LRRC1: variants seen among roughly 807,000 people sequenced by gnomAD.
The protein encoded by LRRC1 is leucine-rich repeat-containing protein 1.
A neutral mutation model predicts 69.9 loss-of-function variants in LRRC1; 28 were observed. The ratio of observed to expected loss-of-function variants is 0.40; its 90% CI spans 0.30 to 0.55. The LOEUF is 0.55. LRRC1 is among the 20% of genes least tolerant of loss of function. LRRC1 has a pLI of 0.47. For synonymous variants in LRRC1, 236 were observed against 240.2 expected (o/e 0.98, Z 0.16); for missense variants, 498 against 609.0 (o/e 0.82, Z 1.92).
intron 13 of LRRC1, among the ~76,000 whole-genome samples, chr6:53,921,227 C>G (rs1768731098): frequency 6.6e-6 from 1 of 152,202 alleles, no homozygotes; most frequent in South Asian, 2.1e-4. Context: ...CTCAGCCTCC[C>G]AAAGTGCTGG....
chr6:53,896,628 T>C, intron 5 of LRRC1, 74 bp downstream of exon 5: 4 of 1,363,840 alleles, frequency 2.9e-6, no homozygotes, highest in Non-Finnish European at 4.2e-6. Flanking sequence ...AGGACTACAG[T>C]ATTACGTGAA....
chr6:53,922,890 GC>G lies in LRRC1; in HGVS notation c.*102del. 1.7e-6 allele frequency: 2 copies of G among 1,163,210 alleles called. No individual in the cohort carries two copies. The highest frequency in any genetic ancestry group is 1.2e-6 in the Non-Finnish European group (1 of 818,804). 72.1% of individuals were successfully genotyped at this position (1,163,210 alleles called of 1,614,324 possible). A position where few individuals can be genotyped will look rare whatever the true frequency, so the allele number is the denominator to read the frequency against. ...CCTCACGTGCTCCTTGTCCTAACCAGCCCCCGCGCGCCATCTTCCCGTGGAG... is the reference window on the plus strand; with the variant it reads ...CCTCACGTGCTCCTTGTCCTAACCAGCCCCGCGCGCCATCTTCCCGTGGAG... On this transcript the variant is annotated 3_prime_UTR_variant, in exon 14 of 14. Coordinates refer to ENST00000370888, the MANE Select transcript of LRRC1 (RefSeq NM_018214.5).
At chr6:53,916,536 A>G (rs893365111) in intron 11 of LRRC1, among the ~76,000 whole-genome samples, 1 of 152,160 alleles carries the variant, frequency 6.6e-6, no homozygotes, top group Non-Finnish European at 1.5e-5. Context: ...AAAGAAAAAA[A>G]AATCACTTAT....
intron 2 of LRRC1, among the ~76,000 whole-genome samples, chr6:53,848,673 C>G (rs1299997446): frequency 6.6e-6 from 1 of 152,116 alleles, no homozygotes; most frequent in Non-Finnish European, 1.5e-5. Flanking sequence ...TGCCGTTCCT[C>G]TTTATTCTGT....
chr6:53,923,124 C>T lies in LRRC1; in HGVS notation c.*331C>T, dbSNP rs1433141139. On this transcript the variant is annotated 3_prime_UTR_variant, in exon 14 of 14. Coordinates refer to ENST00000370888, the MANE Select transcript of LRRC1 (RefSeq NM_018214.5). ...GGGGAATTTTTATCCTCCTCCCTTC[C>T]GTAAAGTGCTGGGATATTTTGAATC... 6.3e-5 allele frequency: 12 copies of T among 191,452 alleles called. No individual in the cohort carries two copies. Among genetic ancestry groups the T allele is most frequent in the Non-Finnish European group, 6.4e-5 (6 of 94,154 alleles). The allele number at this position is 191,452 out of a possible 1,614,324, so 11.9% of individuals were successfully genotyped here. A position where few individuals can be genotyped will look rare whatever the true frequency, so the allele number is the denominator to read the frequency against.
At chr6:53,865,649 G>C (rs1400423486) in intron 2 of LRRC1, among the ~76,000 whole-genome samples, 1 of 151,824 alleles carries the variant, frequency 6.6e-6, no homozygotes, top group African/African-American at 2.4e-5. Flanking sequence ...TCAAATTCTT[G>C]ATTGCTTATG....
intron 4 of LRRC1, among the ~76,000 whole-genome samples, chr6:53,893,561 G>A (rs539151342): frequency 1.4e-4 from 21 of 152,092 alleles, no homozygotes; most frequent in African/African-American, 4.8e-4. Context: ...TATGAGTGCC[G>A]ACCATTTGCT....
At chr6:53,833,855 A>G (rs891153600) in intron 1 of LRRC1, among the ~76,000 whole-genome samples, 1 of 152,194 alleles carries the variant, frequency 6.6e-6, no homozygotes, top group African/African-American at 2.4e-5. Flanking sequence ...TTTATTGTCT[A>G]TCACCTGGCC....
chr6:53,843,980 C>T (rs1220196503), intron 2 of LRRC1, among the ~76,000 whole-genome samples: 2 of 152,146 alleles, frequency 1.3e-5, no homozygotes, highest in Non-Finnish European at 2.9e-5. Flanking sequence ...GGTCAGGTTA[C>T]CAGCCACCCT....
At chr6:53,847,747 A>G (rs534552065) in intron 2 of LRRC1, among the ~76,000 whole-genome samples, 4 of 152,334 alleles carry the variant, frequency 2.6e-5, no homozygotes, top group African/African-American at 9.6e-5. Flanking sequence ...TTTGTTTCAT[A>G]AGATCTAAAA....
intron 11 of LRRC1, among the ~76,000 whole-genome samples, chr6:53,914,843 A>G (rs553591048): frequency 1.3e-5 from 2 of 152,286 alleles, no homozygotes; most frequent in South Asian, 4.1e-4. Context: ...TCACAGTACC[A>G]TATGAGAATT....
intron 2 of LRRC1, among the ~76,000 whole-genome samples, chr6:53,872,363 AGCAGT>A: frequency 6.6e-6 from 1 of 152,180 alleles, no homozygotes; most frequent in South Asian, 2.1e-4. Context: ...CCATCAACCA[AGCAGT>A]ATACACTGAA....
At chr6:53,822,250 A>G (rs888412876) in intron 1 of LRRC1, among the ~76,000 whole-genome samples, 2 of 152,168 alleles carry the variant, frequency 1.3e-5, no homozygotes, top group Non-Finnish European at 2.9e-5. Flanking sequence ...GATGCCAGAG[A>G]AAGACCAAGG....
intron 4 of LRRC1, among the ~76,000 whole-genome samples, chr6:53,885,398 A>G (rs1334956235): frequency 1.3e-5 from 2 of 152,250 alleles, no homozygotes; most frequent in African/African-American, 2.4e-5. Flanking sequence ...TTTAGTAACC[A>G]GTACAACTTC....
rs1768714328 is a variant in LRRC1, at chr6:53,920,727, T to C, written c.1382T>C (p.Val461Ala). The stretch of plus-strand genomic sequence containing the variant: ...AACAGAGTCAGTGCGATCCGATTTG[T>C]GGAGGATGAGAAAGATGAAGAAGAC... ...AVNRVSAIRF[V>A]EDEKDEEDNE... is the part of the protein sequence containing the mutation. The change falls in exon 13 of 14, where the codon GTG becomes GCG. Residue 461 changes from valine to alanine, a missense_variant. Physicochemically the swap from Val to Ala is moderately conservative, Grantham distance 64. Transcript: ENST00000370888. 6 of 1,614,182 alleles carry C rather than the reference T, an allele frequency of 3.7e-6. No homozygotes were observed. In the East Asian group the frequency reaches 1.3e-4, roughly 36 times the overall value.
intron 2 of LRRC1, among the ~76,000 whole-genome samples, chr6:53,857,874 C>A (rs1164040342): frequency 1.3e-5 from 2 of 152,218 alleles, no homozygotes; most frequent in Non-Finnish European, 2.9e-5. Context: ...CCTGCTGGAT[C>A]TGCCAGTTCT....
intron 4 of LRRC1, among the ~76,000 whole-genome samples, chr6:53,894,889 G>A (rs963568894): frequency 1.3e-5 from 2 of 151,646 alleles, no homozygotes; most frequent in East Asian, 1.9e-4. Context: ...TTTGAAGAAC[G>A]TTGGTGTTAA....
chr6:53,875,262 A>G lies in LRRC1; in HGVS notation c.278-3731A>G, dbSNP rs144709735. On this transcript the variant is annotated intron_variant, in intron 2 of 13. Transcript: ENST00000370888. ...GAACTTTGAAACAACCTAAATGCCC[A>G]ACAATGGAGGATTGATTAAATGAAA... Among the ~76,000 whole-genome samples the G allele has an allele frequency of 2.7e-3, 404 of 152,332 alleles. 4 individuals are homozygous for G. The East Asian group carries it at 0.041, about 15-fold the overall frequency.
chr6:53,849,061 CTTTTT>C (rs569737865), intron 2 of LRRC1, among the ~76,000 whole-genome samples: 3 of 130,650 alleles, frequency 2.3e-5, no homozygotes, highest in Non-Finnish European at 3.2e-5. Flanking sequence ...CCGGCCTATG[CTTTTT>C]TTTTTTTTTT....
Sources: allele counts gnomAD v4.1 joint callset (sites outside exome capture counted in the v4.1 genomes callset), GRCh38; gene constraint gnomAD v4.1.1; transcripts MANE v1.5; gene names NCBI Gene and HGNC (gene_info 2026-07-23, HGNC 2026-07-21).